MEI4: variants seen among roughly 807,000 people sequenced by gnomAD.
MEI4 encodes the protein meiosis-specific protein MEI4.
MEI4 carries 27 observed loss-of-function variants against 31.4 expected under a neutral mutation model. The ratio of observed to expected loss-of-function variants is 0.86; its 90% CI spans 0.63 to 1.19. MEI4 has a LOEUF of 1.19. Ranked by LOEUF, MEI4 falls within the 50% of genes most tolerant of loss-of-function variation. The pLI is 0.00. For synonymous variants in MEI4, 122 were observed against 145.4 expected (o/e 0.84, Z 1.16); for missense variants, 329 against 398.9 (o/e 0.82, Z 1.49).
intron 3 of MEI4, among the ~76,000 whole-genome samples, chr6:77,803,938 C>T (rs772180872): frequency 5.3e-5 from 8 of 152,168 alleles, no homozygotes; most frequent in Non-Finnish European, 8.8e-5. Context: ...CTTGAGGAGG[C>T]CGTCTGTCCA....
upstream of MEI4, among the ~76,000 whole-genome samples, chr6:77,652,651 T>C (rs1768321280): frequency 6.6e-6 from 1 of 152,200 alleles, no homozygotes; most frequent in Admixed American, 6.5e-5. Context: ...TGGCTATTTT[T>C]GAGGAGACCG....
chr6:77,746,638 CGTGTGTGT>C (rs5877568), intron 2 of MEI4, among the ~76,000 whole-genome samples: 5,739 of 136,600 alleles, frequency 0.042, 267 homozygotes, highest in African/African-American at 0.12. Flanking sequence ...AAATATATGG[CGTGTGTGT>C]GTGTGTGTGT....
intron 2 of MEI4, among the ~76,000 whole-genome samples, chr6:77,745,799 A>T (rs919625361): frequency 1.3e-5 from 2 of 152,184 alleles, no homozygotes; most frequent in African/African-American, 4.8e-5. Flanking sequence ...TCAAACTAGA[A>T]CTCAGGCTTA....
At chr6:77,883,161 T>A (rs1771528570) in intron 4 of MEI4, among the ~76,000 whole-genome samples, 1 of 152,114 alleles carries the variant, frequency 6.6e-6, no homozygotes, top group Non-Finnish European at 1.5e-5. Flanking sequence ...TGAGAAGAGC[T>A]TTTTTAGTAG....
chr6:77,735,887 C>G (rs938181541), intron 2 of MEI4, among the ~76,000 whole-genome samples: 2 of 150,816 alleles, frequency 1.3e-5, no homozygotes, highest in African/African-American at 2.4e-5. Flanking sequence ...GTTGGAGTAC[C>G]CGGCCGTGTG....
At chr6:77,818,452 G>A (rs1769740296) in intron 3 of MEI4, among the ~76,000 whole-genome samples, 1 of 152,050 alleles carries the variant, frequency 6.6e-6, no homozygotes, top group African/African-American at 2.4e-5. Context: ...ACCAGTAGAA[G>A]TCTAAAATTA....
chr6:77,914,499 T>C (rs1035648825), intron 4 of MEI4, among the ~76,000 whole-genome samples: 1 of 152,110 alleles, frequency 6.6e-6, no homozygotes, highest in Non-Finnish European at 1.5e-5. Context: ...ACTTTTGTGT[T>C]CTAACATGGT....
At chr6:77,817,451 G>A (rs1471399090) in intron 3 of MEI4, among the ~76,000 whole-genome samples, 3 of 152,026 alleles carry the variant, frequency 2.0e-5, no homozygotes, top group Non-Finnish European at 4.4e-5. Context: ...GCTGACCTAA[G>A]TTCTGATTAT....
chr6:77,741,607 G>C (rs1157630), intron 2 of MEI4, among the ~76,000 whole-genome samples: 11 of 151,934 alleles, frequency 7.2e-5, no homozygotes, highest in African/African-American at 2.7e-4. Context: ...ACATCATTCT[G>C]TGTGTTTTTT....
At chr6:77,850,615 C>T (rs1250243675) in intron 4 of MEI4, among the ~76,000 whole-genome samples, 5 of 152,140 alleles carry the variant, frequency 3.3e-5, no homozygotes, top group Non-Finnish European at 5.9e-5. Context: ...CTTTTCCTTA[C>T]ACCTTATACA....
chr6:77,925,366 A>G lies in MEI4; in HGVS notation c.*2020A>G, dbSNP rs1046966805. ...TAAACATTTAACTTCCACCAAGTAT[A>G]TGATACTTTAATTATCCTGGGTTTC... On this transcript the variant is annotated 3_prime_UTR_variant, in exon 5 of 5. Coordinates refer to ENST00000684080, the MANE Select transcript of MEI4 (RefSeq NM_001322247.2). The G allele has an allele frequency of 6.6e-6, 1 of 151,850 alleles. No individual in the cohort carries two copies. Among genetic ancestry groups the G allele is most frequent in the Non-Finnish European group, 1.5e-5 (1 of 67,890 alleles). 9.4% of individuals were successfully genotyped at this position (151,850 alleles called of 1,614,324 possible). A position where few individuals can be genotyped will look rare whatever the true frequency, so the allele number is the denominator to read the frequency against.
At chr6:77,922,852 G>A (rs538709781) in intron 4 of MEI4, among the ~76,000 whole-genome samples, 1 of 151,824 alleles carries the variant, frequency 6.6e-6, no homozygotes, top group African/African-American at 2.4e-5. Context: ...AGAATGCAGG[G>A]AAAGGATTTG....
At chr6:77,654,968 T>C (rs186464347) in intron 1 of MEI4, among the ~76,000 whole-genome samples, 1 of 152,302 alleles carries the variant, frequency 6.6e-6, no homozygotes, top group African/African-American at 2.4e-5. Flanking sequence ...ATGTGCAGGT[T>C]TGTTACATAG....
intron 4 of MEI4, among the ~76,000 whole-genome samples, chr6:77,845,184 T>G (rs1770452397): frequency 6.6e-6 from 1 of 152,124 alleles, no homozygotes; most frequent in African/African-American, 2.4e-5. Context: ...GTTGAGGCGG[T>G]CAGGTAAAAC....
chr6:77,871,084 C>T (rs1179540319), intron 4 of MEI4, among the ~76,000 whole-genome samples: 1 of 152,112 alleles, frequency 6.6e-6, no homozygotes, highest in Non-Finnish European at 1.5e-5. Context: ...CAGATGAAAT[C>T]TCACTTTGTT....
intron 4 of MEI4, among the ~76,000 whole-genome samples, chr6:77,873,923 G>A (rs540008176): frequency 5.3e-5 from 8 of 152,180 alleles, no homozygotes; most frequent in Non-Finnish European, 7.4e-5. Context: ...GTAGATATGC[G>A]GCATTATTTC....
chr6:77,914,704 C>G (rs1045761438), intron 4 of MEI4, among the ~76,000 whole-genome samples: 1 of 151,988 alleles, frequency 6.6e-6, no homozygotes, highest in Non-Finnish European at 1.5e-5. Context: ...AGTATTGTAA[C>G]CTATCTCTCC....
At chr6:77,759,845 G>T (rs984696840) in intron 2 of MEI4, among the ~76,000 whole-genome samples, 1 of 152,076 alleles carries the variant, frequency 6.6e-6, no homozygotes, top group African/African-American at 2.4e-5. Context: ...ATAGCCAATA[G>T]AATGATGAAA....
chr6:77,771,501 A>G (rs1768318195), intron 3 of MEI4, among the ~76,000 whole-genome samples: 1 of 152,270 alleles, frequency 6.6e-6, no homozygotes, highest in East Asian at 1.9e-4. Context: ...TGTTCATTGT[A>G]GCACTATTCA....
Sources: allele counts gnomAD v4.1 joint callset (sites outside exome capture counted in the v4.1 genomes callset), GRCh38; gene constraint gnomAD v4.1.1; transcripts MANE v1.5; gene names NCBI Gene and HGNC (gene_info 2026-07-23, HGNC 2026-07-21).